Variants in PTPN14 observed in about 807,000 individuals in gnomAD.
The protein encoded by PTPN14 is protein tyrosine phosphatase non-receptor type 14.
In PTPN14, 53 loss-of-function variants were observed where a neutral mutation model predicts 126.8. That is an observed-to-expected ratio of 0.42 (90% confidence interval 0.34 to 0.53). PTPN14 has a LOEUF of 0.53. Among genes scored for constraint, PTPN14 ranks in the 20% least tolerant of loss-of-function variants. The pLI is 0.08. For synonymous variants in PTPN14, 630 were observed against 599.3 expected, an observed-to-expected ratio of 1.05 and a Z score of -0.75; for missense variants, 1,257 against 1,552.9, an observed-to-expected ratio of 0.81 and a Z score of 3.20.
rs1306321403 is a variant in PTPN14 at position 214,372,706 on chromosome 1, CT to C, written c.3036+4del. The C allele has an allele frequency of 5.6e-6, 9 of 1,613,982 alleles. No homozygotes were observed. Among genetic ancestry groups the C allele is most frequent in the Non-Finnish European group, 6.8e-6 (8 of 1,180,006 alleles). On this transcript the variant is annotated splice_donor_region_variant and intron_variant, in intron 16 of 18. Transcript: ENST00000366956. ...AAAGGATGTGGAGTAGGCCATTCCC[CT>C]TACCTCCTCTGCAGTGACCATGGCA...
At chr1:214,400,057 C>T (rs1226817476) in intron 7 of PTPN14, among the ~76,000 whole-genome samples, 1 of 143,670 alleles carries the variant, frequency 7.0e-6, no homozygotes, top group Non-Finnish European at 1.5e-5. Flanking sequence ...CTGTTCTACT[C>T]TTGAAAATTT....
chr1:214,538,831 C>T (rs1250941641), intron 1 of PTPN14, among the ~76,000 whole-genome samples: 1 of 152,166 alleles, frequency 6.6e-6, no homozygotes, highest in African/African-American at 2.4e-5. Context: ...CATTTTCTAG[C>T]CTCCATAAGC....
In PTPN14 at chr1:214,397,926, C is replaced by T; in HGVS notation, c.745G>A (p.Ala249Thr). 1.2e-6 allele frequency: 2 copies of T among 1,605,794 alleles called. No individual in the cohort carries two copies. The highest frequency in any genetic ancestry group is 1.7e-6 in the Non-Finnish European group (2 of 1,172,404). The change falls in exon 8 of 19, where the codon GCG becomes ACG. Residue 249 changes from alanine (A) to threonine (T), a missense_variant. By Grantham distance (58) the Ala-to-Thr change is moderately conservative. Coordinates refer to ENST00000366956, the MANE Select transcript of PTPN14 (RefSeq NM_005401.5). ...IFVRNRIGRQ[A>T]VIYRWNDMGN... ...AAATAAGACTACCTGTATATTACCG[C>T]TTGTCTTCCAATTCTGTTCCTCACG...
Position 214,386,949 on chromosome 1 carries a change from G to T in PTPN14, c.988-27C>A, listed in dbSNP as rs377445452. On this transcript the variant is annotated intron_variant, in intron 11 of 18. Coordinates refer to ENST00000366956, the MANE Select transcript of PTPN14 (RefSeq NM_005401.5). ...TGAAACAGAGAACACAGAGGAGGTG[G>T]GGAGGCCTGGGCAGACACGGCTGGT... The T allele has an allele frequency of 5.2e-5, 80 of 1,544,710 alleles. No individual in the cohort carries two copies. The African/African-American group carries it at 5.5e-4, about 11-fold the overall frequency.
intron 1 of PTPN14, among the ~76,000 whole-genome samples, chr1:214,502,130 T>G (rs1654718716): frequency 6.6e-6 from 1 of 151,750 alleles, no homozygotes. Flanking sequence ...ATACAAAAAG[T>G]TGCATATATT....
chr1:214,404,272 C>T (rs1000275555), intron 5 of PTPN14, among the ~76,000 whole-genome samples: 1 of 152,210 alleles, frequency 6.6e-6, no homozygotes, highest in South Asian at 2.1e-4. Context: ...TTCTAGAGTT[C>T]ACGAGAGACT....
At chr1:214,481,658 T>C (rs1288737369) in intron 1 of PTPN14, among the ~76,000 whole-genome samples, 1 of 151,858 alleles carries the variant, frequency 6.6e-6, no homozygotes, top group Non-Finnish European at 1.5e-5. Flanking sequence ...TGAAGTAAGA[T>C]TGGTAAACAA....
intron 1 of PTPN14, among the ~76,000 whole-genome samples, chr1:214,466,683 A>C (rs760212799): frequency 3.2e-4 from 48 of 152,140 alleles, no homozygotes; most frequent in Non-Finnish European, 8.8e-5. Flanking sequence ...CCAACAGACT[A>C]TCTCTTGCTC....
At chr1:214,372,140 C>T (rs528043269) in intron 16 of PTPN14, 1 of 153,222 alleles carries the variant, frequency 6.5e-6, no homozygotes, top group Non-Finnish European at 1.5e-5. Context: ...TTTTTTATAA[C>T]ATCACATAGA....
At chr1:214,478,670 T>C (rs1660918752) in intron 1 of PTPN14, among the ~76,000 whole-genome samples, 1 of 152,194 alleles carries the variant, frequency 6.6e-6, no homozygotes, top group Admixed American at 6.5e-5. Flanking sequence ...GTTTCAGCTA[T>C]AATAGCCTTT....
chr1:214,482,310 G>A (rs1174814584), intron 1 of PTPN14, among the ~76,000 whole-genome samples: 4 of 63,610 alleles, frequency 6.3e-5, no homozygotes, highest in African/African-American at 1.8e-4. Flanking sequence ...ACAGAAAGGT[G>A]CTTTAGAAGT....
intron 1 of PTPN14, among the ~76,000 whole-genome samples, chr1:214,486,480 A>G (rs909342391): frequency 6.6e-6 from 1 of 152,206 alleles, no homozygotes; most frequent in African/African-American, 2.4e-5. Flanking sequence ...GTCTCTCCCA[A>G]TGGAAATATA....
intron 1 of PTPN14, among the ~76,000 whole-genome samples, chr1:214,520,387 A>T (rs1224557623): frequency 2.6e-5 from 4 of 152,198 alleles, no homozygotes; most frequent in Admixed American, 6.5e-5. Flanking sequence ...TAAGCAATGG[A>T]ATCAAGTCAT....
At chr1:214,432,433 T>C (rs1334375068) in intron 3 of PTPN14, among the ~76,000 whole-genome samples, 1 of 152,242 alleles carries the variant, frequency 6.6e-6, no homozygotes, top group Non-Finnish European at 1.5e-5. Context: ...AACTACTAAC[T>C]AGCATATGCA....
intron 10 of PTPN14, among the ~76,000 whole-genome samples, chr1:214,392,956 G>A (rs1571970380): frequency 1.3e-5 from 2 of 152,126 alleles, no homozygotes; most frequent in African/African-American, 4.8e-5. Context: ...TAACCCTGAC[G>A]CTCTTTGAAA....
chr1:214,357,948 A>C lies in PTPN14; in HGVS notation c.3538T>G (p.Phe1180Val). ...YKFVYQVLIQ[F>V]LQNSRLI ...TAAATGAGTCTGGAGTTTTGGAGGA[A>C]CTGGATGAGGACTTGGTAGACAAAC... The change falls in exon 19 of 19, where the codon TTC (phenylalanine) becomes GTC (valine). Residue 1180 changes from phenylalanine (F) to valine (V), a missense_variant. Physicochemically the swap from Phe to Val is conservative, Grantham distance 50. Around this residue, in one of 3 missense-constraint regions of PTPN14, gnomAD observed 171 missense variants for 229.8 expected, o/e 0.74. Transcript: ENST00000366956. The C allele has an allele frequency of 1.9e-6, 3 of 1,612,874 alleles. No homozygotes were observed. The highest frequency in any genetic ancestry group is 2.5e-6 in the Non-Finnish European group (3 of 1,179,304).
At chr1:214,386,567 C>T (rs1295443881) in intron 12 of PTPN14, among the ~76,000 whole-genome samples, 1 of 152,218 alleles carries the variant, frequency 6.6e-6, no homozygotes, top group Non-Finnish European at 1.5e-5. Context: ...AGCTGTCATA[C>T]TCTCTTCTCT....
At chr1:214,467,226 A>G (rs1288486182) in intron 1 of PTPN14, among the ~76,000 whole-genome samples, 1 of 151,898 alleles carries the variant, frequency 6.6e-6, no homozygotes, top group Non-Finnish European at 1.5e-5. Context: ...TCAAATAGAC[A>G]GCCCTTAGAT....
At chr1:214,398,459 T>C (rs1478440694) in intron 7 of PTPN14, among the ~76,000 whole-genome samples, 1 of 152,102 alleles carries the variant, frequency 6.6e-6, no homozygotes, top group Non-Finnish European at 1.5e-5. Context: ...TTGTTGTTTG[T>C]TTGTTTTGAA....
Sources: allele counts gnomAD v4.1 joint callset (sites outside exome capture counted in the v4.1 genomes callset), GRCh38; gene constraint gnomAD v4.1.1; regional missense constraint gnomAD v4.1.1; transcripts MANE v1.5; gene names NCBI Gene and HGNC (gene_info 2026-07-23, HGNC 2026-07-21).